Variants in UVSSA observed in about 807,000 individuals in gnomAD.
UVSSA encodes the protein UV stimulated scaffold protein A, also known as UV-stimulated scaffold protein A.
UVSSA carries 72 observed loss-of-function variants against 73.9 expected under a neutral mutation model. The observed-to-expected ratio is 0.97, with a 90% CI of 0.81 to 1.19. The LOEUF (loss-of-function observed/expected upper bound fraction) is 1.19. UVSSA is among the 50% of genes most tolerant of loss of function. UVSSA has a pLI of 0.00. For synonymous variants in UVSSA, 454 were observed against 391.3 expected, an observed-to-expected ratio of 1.16 and a Z score of -1.89; for missense variants, 1,150 against 965.0, an observed-to-expected ratio of 1.19 and a Z score of -2.54.
chr4:1,390,410 GCT>G (rs1720385396), downstream of UVSSA: 2 of 152,156 alleles, frequency 1.3e-5, no homozygotes, highest in Non-Finnish European at 1.5e-5. Flanking sequence ...CTCCTGAGTA[GCT>G]GAGACTACAG....
upstream of UVSSA, among the ~76,000 whole-genome samples, chr4:1,346,396 C>T (rs1407926595): frequency 6.6e-6 from 1 of 152,178 alleles, no homozygotes; most frequent in Non-Finnish European, 1.5e-5. Context: ...CACGCTCCTC[C>T]GAAGCCACGG....
At chr4:1,362,992 G>A (rs4974608) in intron 7 of UVSSA, among the ~76,000 whole-genome samples, 72,598 of 152,010 alleles carry the variant, frequency 0.48, 17,966 homozygotes, top group Non-Finnish European at 0.53. Context: ...CGCACTGTGC[G>A]TCTGTGGGTT....
At chr4:1,367,352 C>T (rs1717465893) in intron 8 of UVSSA, among the ~76,000 whole-genome samples, 1 of 152,174 alleles carries the variant, frequency 6.6e-6, no homozygotes, top group South Asian at 2.1e-4. Flanking sequence ...GAAAACAAGA[C>T]CCTCAGCTTT....
intron 7 of UVSSA, among the ~76,000 whole-genome samples, chr4:1,360,529 G>C (rs1716474661): frequency 6.6e-6 from 1 of 152,244 alleles, no homozygotes; most frequent in Non-Finnish European, 1.5e-5. Flanking sequence ...CCTGATGAAT[G>C]TAAGTGCGCC....
At chr4:1,378,933 TA>T (rs1193693194) in intron 10 of UVSSA, among the ~76,000 whole-genome samples, 3 of 152,184 alleles carry the variant, frequency 2.0e-5, no homozygotes, top group African/African-American at 7.2e-5. Flanking sequence ...CCCACTGCCT[TA>T]TCCCAAACCA....
Position 1,376,222 on chromosome 4 carries a change from T to TGAG in UVSSA, c.1568+59_1568+61dup. The TGAG allele has an allele frequency of 2.6e-6, 4 of 1,543,064 alleles. No homozygotes were observed. The South Asian group carries it at 4.9e-5, about 19-fold the overall frequency. ...AGGGCACACAACCAGGGTCCCAGCC[T>TGAG]GAGGAGGGGGCTGCCGGCTCACCAG... On this transcript the variant is annotated intron_variant, in intron 10 of 13. Transcript: ENST00000389851.
At chr4:1,360,017 A>G (rs1362681483) in intron 7 of UVSSA, among the ~76,000 whole-genome samples, 2 of 152,228 alleles carry the variant, frequency 1.3e-5, no homozygotes, top group South Asian at 4.1e-4. Flanking sequence ...TGAAACGTGG[A>G]CCCACCAGGC....
At chr4:1,346,790 C>G (rs560026651), upstream of UVSSA, among the ~76,000 whole-genome samples, 85 of 152,288 alleles carry the variant, frequency 5.6e-4, 1 homozygote, top group South Asian at 0.015. Flanking sequence ...AACTTCCTTT[C>G]GGCCTCAGTT....
rs1166663533 is a variant in UVSSA at position 1,375,584 on chromosome 4, T to G, written c.1433+76T>G. The G allele has an allele frequency of 3.9e-6, 6 of 1,541,748 alleles. No individual in the cohort carries two copies. The East Asian group carries it at 1.4e-4, about 35-fold the overall frequency. ...CCTCTGCCCAGAGCACTGGCCGGCC[T>G]CGAGAGGCTGCTTAGTGCCTTTTCT... On this transcript the variant is annotated intron_variant, in intron 9 of 13. Transcript: ENST00000389851.
At chr4:1,348,335 T>C (rs1714056347) in intron 2 of UVSSA, 146 bp downstream of exon 2, 1 of 656,082 alleles carries the variant, frequency 1.5e-6, no homozygotes, top group Middle Eastern at 3.9e-4. Context: ...AGTACCCGGC[T>C]CTGACGGGTG....
At chr4:1,351,984 CGTT>C in intron 4 of UVSSA, 149 bp downstream of exon 4, 5 of 1,285,910 alleles carry the variant, frequency 3.9e-6, no homozygotes, top group Non-Finnish European at 4.2e-6. Context: ...GGCCGGAAGG[CGTT>C]CTTAGCCGTA....
chr4:1,388,813 A>C (rs759710429), downstream of UVSSA: 1 of 152,186 alleles, frequency 6.6e-6, no homozygotes. Flanking sequence ...CTACTTGTTC[A>C]TGGTGTATAA....
At chr4:1,380,493 G>A (rs1027528317) in intron 11 of UVSSA, 38 of 839,058 alleles carry the variant, frequency 4.5e-5, no homozygotes, top group Middle Eastern at 3.4e-4. Context: ...AAGACACACA[G>A]TATCCTCCAT....
At chr4:1,354,903 T>TTTGTGG in intron 6 of UVSSA, 56 bp downstream of exon 6, 2 of 1,460,304 alleles carry the variant, frequency 1.4e-6, no homozygotes, top group Non-Finnish European at 9.3e-7. Context: ...GTGCCATGCA[T>TTTGTGG]GGGGGGGGTC....
At position 1,349,652 on chromosome 4, in the gene UVSSA, G is replaced by C. The variant is rs1422113725; in HGVS notation, c.227G>C (p.Arg76Pro). Residue 76 changes from arginine (R) to proline (P), a missense_variant, in exon 3 of 14, where the codon CGG (arginine) becomes CCG (proline). Transcript: ENST00000389851. ...EELFVRSHQF[R>P]MLVVSNFQEF... ...CTCTTCGTCAGGTCTCACCAGTTCC[G>C]GATGCTGGTTGTTTCCAACTTCCAG... 6.2e-7 allele frequency: 1 copy of C among 1,614,030 alleles called. No individual in the cohort carries two copies. Among genetic ancestry groups the C allele is most frequent in the Non-Finnish European group, 8.5e-7 (1 of 1,179,996 alleles).
chr4:1,353,058 G>T lies in UVSSA; in HGVS notation c.579G>T (p.Leu193Phe), dbSNP rs374789666. The T allele has an allele frequency of 6.2e-7, 1 of 1,612,250 alleles. No individual in the cohort carries two copies. Among genetic ancestry groups the T allele is most frequent in the Non-Finnish European group, 8.5e-7 (1 of 1,179,600 alleles). ...QEMSGEIESC[L>F]TEVESCFRLL... ...TGTCTGGAGAAATTGAATCCTGCTT[G>T]ACGGAGGTAGAGAGCTGCTTTAGGC... is the stretch of plus-strand genomic sequence containing the variant. The change falls in exon 5 of 14, where the codon TTG becomes TTT. Residue 193 changes from leucine (L) to phenylalanine (F), a missense_variant. Leu to Phe is a conservative substitution (Grantham distance 22). Transcript: ENST00000389851.
chr4:1,354,941 G>A (rs533487045), intron 6 of UVSSA, 94 bp downstream of exon 6: 24 of 1,536,670 alleles, frequency 1.6e-5, no homozygotes, highest in Non-Finnish European at 2.1e-5. Context: ...GTGGCCCGGT[G>A]ACTGAATGGC....
chr4:1,343,245 C>T (rs540558192), upstream of UVSSA, among the ~76,000 whole-genome samples: 10 of 152,218 alleles, frequency 6.6e-5, no homozygotes, highest in African/African-American at 2.4e-4. Context: ...TCACTGTGTA[C>T]CTCTCGTGGT....
intron 12 of UVSSA, among the ~76,000 whole-genome samples, chr4:1,381,420 C>T (rs1719487287): frequency 6.6e-6 from 1 of 152,242 alleles, no homozygotes; most frequent in African/African-American, 2.4e-5. Context: ...CAGGTGGCCA[C>T]AGCTCTGTCC....
Sources: gnomAD v4.1 joint callset for allele counts (sites outside exome capture counted in the v4.1 genomes callset) on GRCh38, gnomAD v4.1.1 for gene constraint, MANE v1.5 for transcripts, NCBI Gene and HGNC (gene_info 2026-07-23, HGNC 2026-07-21) for gene names.